The following JDP2 variants were observed in gnomAD, a reference collection of about 807,000 sequenced individuals.
JDP2 encodes progesterone receptor co-activator.
A neutral mutation model predicts 17.1 loss-of-function variants in JDP2; 9 were observed. The observed-to-expected ratio is 0.53, with a 90% CI of 0.32 to 0.92. The LOEUF is 0.92. Among genes scored for constraint, JDP2 ranks in the 40% least tolerant of loss-of-function variants. The probability of loss-of-function intolerance (pLI) is 0.04; values close to 1 mark genes in which losing one functional copy is unlikely to be tolerated. For missense variants in JDP2, 179 were observed against 220.0 expected (o/e 0.81, Z 1.18); for synonymous variants, 107 against 95.6 (o/e 1.12, Z -0.69).
In JDP2 at chr14:75,474,095, A is replaced by T. The variant is rs1390477814; in HGVS notation, c.*4620A>T. The stretch of plus-strand genomic sequence containing the variant: ...TTGATATTCTTTGCAATAAAAGAGA[A>T]CAAGCCACAATACAAATAGGAGGTT... On this transcript the variant is annotated 3_prime_UTR_variant, in exon 4 of 4. Transcript: ENST00000651602. The T allele has an allele frequency of 6.6e-6, 1 of 152,010 alleles. No individual in the cohort carries two copies. The highest frequency in any genetic ancestry group is 1.5e-5 in the Non-Finnish European group (1 of 68,044). The allele number at this position is 152,010 out of a possible 1,614,324, so 9.4% of individuals were successfully genotyped here.
chr14:75,469,458 C>T lies in JDP2; in HGVS notation c.475C>T (p.Gln159Ter). The change falls in exon 4 of 4, where the codon CAG (glutamine) becomes TAG (stop). Residue 159 changes from glutamine (Q) to a stop codon, truncating the protein, a stop_gained. Coordinates refer to ENST00000651602, the MANE Select transcript of JDP2 (RefSeq NM_001135048.2). LOFTEE classifies it high-confidence loss of function. ...PESEGNPLLEQLEKK is the reference protein window; with the variant it reads ...PESEGNPLLE ...GTCAGAAGGCAACCCACTGCTCGAG[C>T]AGCTCGAGAAGAAGTGACCATGGGC... 6.2e-7 allele frequency: 1 copy of T among 1,613,418 alleles called. No homozygotes were observed. The highest frequency in any genetic ancestry group is 1.7e-5 in the Admixed American group (1 of 59,902).
intron 2 of JDP2, among the ~76,000 whole-genome samples, chr14:75,449,233 A>G (rs1011166481): frequency 3.9e-5 from 6 of 152,234 alleles, no homozygotes; most frequent in African/African-American, 7.2e-5. Flanking sequence ...TTTCACCTTC[A>G]TGATGAAAGA....
rs1884731506 is a variant in JDP2 at position 75,430,185 on chromosome 14, A to G, written c.-24+1933A>G. Among the ~76,000 whole-genome samples the G allele has an allele frequency of 6.6e-6, 1 of 152,210 alleles. No homozygotes were observed. Among genetic ancestry groups the G allele is most frequent in the African/African-American group, 2.4e-5 (1 of 41,450 alleles). On this transcript the variant is annotated intron_variant, in intron 1 of 3. Transcript: ENST00000651602. The surrounding 1 kb of genome is among the most constrained non-coding windows in gnomAD (Gnocchi z 4.5). The stretch of plus-strand genomic sequence containing the variant: ...TTTTCCAACCTGCAGAATCCCTGGC[A>G]GGAATAGGCTCTCTGGGCCTTGTTT...
At chr14:75,442,195 T>C (rs1337383790) in intron 2 of JDP2, among the ~76,000 whole-genome samples, 1 of 152,152 alleles carries the variant, frequency 6.6e-6, no homozygotes, top group Non-Finnish European at 1.5e-5. Context: ...TTTAACAAAA[T>C]CACAGTGTGG....
intron 2 of JDP2, chr14:75,445,712 T>C (rs1358239533): frequency 2.0e-6 from 1 of 494,988 alleles, no homozygotes; most frequent in Non-Finnish European, 2.6e-6. Flanking sequence ...ACTAGAAAAC[T>C]CTTAGAAGAA....
rs557761406 is a variant in JDP2, at chr14:75,456,900, C to T, written c.202-4526C>T. ...CTGGGTGAGGCGGGGCTGCTCTGCA[C>T]GAGGGCCCTCTTGGTCCTGAGTCCC... On this transcript the variant is annotated intron_variant, in intron 2 of 3. Transcript: ENST00000651602. 5.9e-5 allele frequency among the ~76,000 whole-genome samples: 9 copies of T among 152,296 alleles called. 1 individual carries two copies. Among genetic ancestry groups the T allele is most frequent in the Admixed American group, 2.6e-4 (4 of 15,300 alleles).
intron 2 of JDP2, among the ~76,000 whole-genome samples, chr14:75,443,426 T>G (rs897857380): frequency 1.3e-5 from 2 of 152,168 alleles, no homozygotes; most frequent in Non-Finnish European, 2.9e-5. Flanking sequence ...ACTCAGATGC[T>G]TTTTTTGTCT....
intron 3 of JDP2, among the ~76,000 whole-genome samples, chr14:75,465,199 A>G (rs559555988): frequency 6.6e-6 from 1 of 152,336 alleles, no homozygotes; most frequent in South Asian, 2.1e-4. Context: ...CAGGATTTTA[A>G]TCCAGACAGG....
Position 75,469,601 on chromosome 14 carries a change from C to T in JDP2, c.*126C>T, listed in dbSNP as rs112999283. ...AAAAACTGTACAATGAGGTTCAGCA[C>T]AGCCAGCATCAGCCGAGCTTTTTTG... On this transcript the variant is annotated 3_prime_UTR_variant, in exon 4 of 4. Coordinates refer to ENST00000651602, the MANE Select transcript of JDP2 (RefSeq NM_001135048.2). 2.6e-6 allele frequency: 2 copies of T among 763,660 alleles called. No homozygotes were observed. The highest frequency in any genetic ancestry group is 5.6e-5 in the East Asian group (2 of 35,746). 47.3% of individuals were successfully genotyped at this position (763,660 alleles called of 1,614,324 possible).
chr14:75,432,350 T>C, intron 1 of JDP2: 1 of 1,551,256 alleles, frequency 6.4e-7, no homozygotes, highest in South Asian at 1.2e-5. Context: ...CTATGCGCCA[T>C]GACCCCTGGC....
chr14:75,438,273 A>AG (rs1885171213), intron 2 of JDP2, 152 bp downstream of exon 2: 11 of 602,500 alleles, frequency 1.8e-5, no homozygotes, highest in Admixed American at 6.0e-5. Context: ...GCCTCGCCCC[A>AG]GGCCTTCTGT....
rs941599143 is a variant in JDP2, at chr14:75,472,703, T to A, written c.*3228T>A. The A allele has an allele frequency of 6.6e-6, 1 of 152,240 alleles. No homozygotes were observed. Among genetic ancestry groups the A allele is most frequent in the African/African-American group, 2.4e-5 (1 of 41,456 alleles). 9.4% of individuals were successfully genotyped at this position (152,240 alleles called of 1,614,324 possible). A position where few individuals can be genotyped will look rare whatever the true frequency, so the allele number is the denominator to read the frequency against. ...AATAAAAGCTCCCTAAAATGGTAAT[T>A]ATTTTGTCCTCTGTTAGTGTCGGTA... On this transcript the variant is annotated 3_prime_UTR_variant, in exon 4 of 4. Coordinates refer to ENST00000651602, the MANE Select transcript of JDP2 (RefSeq NM_001135048.2).
rs565254686 is a variant in JDP2, at chr14:75,435,206, G to A, written c.-23-2692G>A. On this transcript the variant is annotated intron_variant, in intron 1 of 3. Transcript: ENST00000651602. ...CGGCCTCCTAGCGTGGCAGGCTGCA[G>A]CCCTCTCTGCATTGCAGGTTCCATT... Among the ~76,000 whole-genome samples, 176 of 152,358 alleles carry A rather than the reference G, an allele frequency of 1.2e-3. 1 individual carries two copies. The highest frequency in any genetic ancestry group is 2.0e-3 in the Non-Finnish European group (139 of 68,028).
At chr14:75,455,961 CG>C (rs1309056056) in intron 2 of JDP2, among the ~76,000 whole-genome samples, 1 of 152,158 alleles carries the variant, frequency 6.6e-6, no homozygotes, top group Non-Finnish European at 1.5e-5. Flanking sequence ...GCTTTCTCAG[CG>C]GTTTTAGGAA....
intron 1 of JDP2, among the ~76,000 whole-genome samples, chr14:75,433,224 AT>A (rs201496918): frequency 9.5e-4 from 119 of 124,680 alleles, no homozygotes; most frequent in African/African-American, 3.4e-3. Flanking sequence ...AAAAAAAAAA[AT>A]GTAAGGGGTT....
In JDP2 at chr14:75,470,559, C is replaced by G. The variant is rs1886781414; in HGVS notation, c.*1084C>G. 6.6e-6 allele frequency: 1 copy of G among 152,250 alleles called. No individual in the cohort carries two copies. The highest frequency in any genetic ancestry group is 6.5e-5 in the Admixed American group (1 of 15,290). 9.4% of individuals were successfully genotyped at this position (152,250 alleles called of 1,614,324 possible). ...ATAGGCCTGTTCATTTTCACAACAGCTCTCCTATTTCACAGATGAGGAAGC... is the reference window on the plus strand; with the variant it reads ...ATAGGCCTGTTCATTTTCACAACAGGTCTCCTATTTCACAGATGAGGAAGC... On this transcript the variant is annotated 3_prime_UTR_variant, in exon 4 of 4. Transcript: ENST00000651602.
At position 75,456,920 on chromosome 14, in the gene JDP2, A is replaced by G. The variant is rs556045594; in HGVS notation, c.202-4506A>G. Among the ~76,000 whole-genome samples the G allele has an allele frequency of 3.9e-4, 60 of 152,278 alleles. 2 individuals are homozygous for G. The highest frequency in any genetic ancestry group is 1.4e-3 in the African/African-American group (59 of 41,546). On this transcript the variant is annotated intron_variant, in intron 2 of 3. Transcript: ENST00000651602. The stretch of plus-strand genomic sequence containing the variant: ...CTGCACGAGGGCCCTCTTGGTCCTG[A>G]GTCCCCAGGTCTCTCCATCCAATGT...
At chr14:75,438,647 G>A (rs892501551) in intron 2 of JDP2, among the ~76,000 whole-genome samples, 1 of 152,226 alleles carries the variant, frequency 6.6e-6, no homozygotes, top group Non-Finnish European at 1.5e-5. Flanking sequence ...CCCTTCCCAA[G>A]CAGCTGCCAG....
In JDP2 at chr14:75,473,491, C is replaced by G. The variant is rs946136564; in HGVS notation, c.*4016C>G. 1 of 152,226 alleles carries G rather than the reference C, an allele frequency of 6.6e-6. No individual in the cohort carries two copies. Among genetic ancestry groups the G allele is most frequent in the Non-Finnish European group, 1.5e-5 (1 of 68,044 alleles). The allele number at this position is 152,226 out of a possible 1,614,324, so 9.4% of individuals were successfully genotyped here. On this transcript the variant is annotated 3_prime_UTR_variant, in exon 4 of 4. Transcript: ENST00000651602. ...TTTCCTCCTAGTCTTGGGAGGAACTCTAGCACAGGGGCAAAAGGAAATGTA... is the reference window on the plus strand; with the variant it reads ...TTTCCTCCTAGTCTTGGGAGGAACTGTAGCACAGGGGCAAAAGGAAATGTA...
Sources: allele counts gnomAD v4.1 joint callset (sites outside exome capture counted in the v4.1 genomes callset), GRCh38; gene constraint gnomAD v4.1.1; non-coding constraint Gnocchi (gnomAD v3.1); transcripts MANE v1.5; gene names NCBI Gene and HGNC (gene_info 2026-07-23, HGNC 2026-07-21).